NLRP1: variants seen among roughly 807,000 people sequenced by gnomAD.
NLRP1 encodes NACHT, LRR and PYD domains-containing protein 1.
A neutral mutation model predicts 136.7 loss-of-function variants in NLRP1; 94 were observed. That is an observed-to-expected ratio of 0.69 (90% CI 0.58 to 0.82). The LOEUF is 0.82. Ranked by LOEUF, NLRP1 falls within the 40% of genes least tolerant of loss-of-function variation. The pLI is 0.00. For synonymous variants in NLRP1, 690 were observed against 725.1 expected, an observed-to-expected ratio of 0.95 and a Z score of 0.78; for missense variants, 1,575 against 1,802.7, an observed-to-expected ratio of 0.87 and a Z score of 2.29.
chr17:5,506,902 CAAAAAAAAAAAA>C (rs199684717), intron 15 of NLRP1, among the ~76,000 whole-genome samples: 10 of 88,808 alleles, frequency 1.1e-4, no homozygotes, highest in Non-Finnish European at 1.2e-4. Context: ...AACTCCATCT[CAAAAAAAAAAAA>C]AAAAAAAAAA....
intron 5 of NLRP1, 28 bp from the exon 6 acceptor site, chr17:5,542,055 C>A: frequency 6.2e-7 from 1 of 1,601,988 alleles, no homozygotes; most frequent in East Asian, 2.2e-5. Flanking sequence ...CCATGGTCTT[C>A]AGGTTACTCA....
At chr17:5,521,452 G>T (rs11653496) in intron 13 of NLRP1, 72 bp downstream of exon 13, 68,831 of 1,519,210 alleles carry the variant, frequency 0.045, 1,804 homozygotes, top group Middle Eastern at 0.076. Flanking sequence ...GACCCTCTAG[G>T]GGGCTCTCTG....
chr17:5,566,858 A>G (rs1915393370), intron 3 of NLRP1, among the ~76,000 whole-genome samples: 1 of 152,074 alleles, frequency 6.6e-6, no homozygotes, highest in African/African-American at 2.4e-5. Flanking sequence ...TTGGGTGCAT[A>G]TATATTTAAA....
At chr17:5,527,298 A>G (rs767064657) in intron 12 of NLRP1, among the ~76,000 whole-genome samples, 21 of 152,230 alleles carry the variant, frequency 1.4e-4, no homozygotes, top group Non-Finnish European at 2.9e-4. Flanking sequence ...AAGAAAGTTT[A>G]CGAATTCACG....
At chr17:5,501,713 C>A in exon 16 of NLRP1, 1 of 894,114 alleles carries the variant, frequency 1.1e-6, no homozygotes, top group Admixed American at 1.8e-5. Flanking sequence ...ACCTGCCTCA[C>A]CTAAGCCCAT....
At position 5,558,856 on chromosome 17, in the gene NLRP1, G is replaced by T; in HGVS notation, c.1840C>A (p.Pro614Thr). 1 of 1,614,162 alleles carries T rather than the reference G, an allele frequency of 6.2e-7. No individual in the cohort carries two copies. Among genetic ancestry groups the T allele is most frequent in the African/African-American group, 1.3e-5 (1 of 75,024 alleles). Residue 614 changes from proline to threonine, a missense_variant, in exon 4 of 17, where the codon CCC becomes ACC. Pro to Thr is a conservative substitution (Grantham distance 38). Coordinates refer to ENST00000572272, the MANE Select transcript of NLRP1 (RefSeq NM_033004.4). ...ATGAAGCTGTAGCTCAGAGGGATGGGGTGCTCTTGAAGAATACCCATCTTC... is the reference window on the plus strand; with the variant it reads ...ATGAAGCTGTAGCTCAGAGGGATGGTGTGCTCTTGAAGAATACCCATCTTC... ...FLKMGILQEH[P>T]IPLSYSFIHL...
In NLRP1 at chr17:5,541,912, C is replaced by G. The variant is rs747885414; in HGVS notation, c.2644G>C (p.Ala882Pro). ...CTCAGTCTCTGGCAAAGGTGTTTGG[C>G]TCCAGCATCCGTGAGCACATTGAAG... is the stretch of plus-strand genomic sequence containing the variant. The part of the protein sequence containing the change: ...LSFNVLTDAG[A>P]KHLCQRLRQP... The change falls in exon 6 of 17, where the codon GCC (alanine) becomes CCC (proline). Residue 882 changes from alanine to proline, a missense_variant. By Grantham distance (27) the Ala-to-Pro change is conservative (BLOSUM62 -1). Coordinates refer to ENST00000572272, the MANE Select transcript of NLRP1 (RefSeq NM_033004.4). The surrounding 1 kb of genome is among the most constrained non-coding windows in gnomAD (Gnocchi z 4.2). 9 of 1,614,116 alleles carry G rather than the reference C, an allele frequency of 5.6e-6. No individual in the cohort carries two copies. Among genetic ancestry groups the G allele is most frequent in the Non-Finnish European group, 7.6e-6 (9 of 1,180,048 alleles).
chr17:5,583,764 C>T lies in NLRP1; in HGVS notation c.194G>A (p.Arg65Gln), dbSNP rs200739115. 2.2e-5 allele frequency: 34 copies of T among 1,553,118 alleles called. No homozygotes were observed. The Admixed American group carries it at 2.7e-4, about 12-fold the overall frequency. ...GGTATGGAGGGCTAGGTCCCAGGCC[C>T]GCTGCTCCCCATACTGAGCCACCAG... is the stretch of plus-strand genomic sequence containing the variant. ...SYLVAQYGEQRAWDLALHTWE... is the reference protein window; with the variant it reads ...SYLVAQYGEQQAWDLALHTWE... The change falls in exon 1 of 17, where the codon CGG (arginine) becomes CAG (glutamine). Residue 65 changes from arginine to glutamine, a missense_variant. By Grantham distance (43) the Arg-to-Gln change is conservative. Transcript: ENST00000572272. The surrounding 1 kb of genome is among the most constrained non-coding windows in gnomAD (Gnocchi z 4.5).
Position 5,539,440 on chromosome 17 carries a change from G to T in NLRP1, c.2845C>A (p.Pro949Thr), listed in dbSNP as rs752010162. 5 of 1,613,594 alleles carry T rather than the reference G, an allele frequency of 3.1e-6. No homozygotes were observed. The African/African-American group carries it at 6.7e-5, about 22-fold the overall frequency. Residue 949 changes from proline (P) to threonine (T), a missense_variant, in exon 7 of 17, where the codon CCT becomes ACT. Transcript: ENST00000572272. ...VRLLCEGLRH[P>T]ACKLIRLGLD... is the part of the protein sequence containing the mutation. ...CCCAGGCGTATGAGTTTGCAGGCAG[G>T]ATGCCTGAGCCCCTCACAGAGCAGT... is the stretch of plus-strand genomic sequence containing the variant.
Position 5,533,990 on chromosome 17 carries a change from T to G in NLRP1, c.2961-2A>C. The G allele has an allele frequency of 6.2e-7, 1 of 1,600,136 alleles. No individual in the cohort carries two copies. The highest frequency in any genetic ancestry group is 2.2e-5 in the East Asian group (1 of 44,818). ...GTAGGGGTCATCACACTTGGTTTCCTGGACAAAGAATTGTTCATTCTGCCT... is the reference window on the plus strand; with the variant it reads ...GTAGGGGTCATCACACTTGGTTTCCGGGACAAAGAATTGTTCATTCTGCCT... On this transcript the variant is annotated splice_acceptor_variant, in intron 8 of 16. Coordinates refer to ENST00000572272, the MANE Select transcript of NLRP1 (RefSeq NM_033004.4). LOFTEE classifies it high-confidence loss of function.
chr17:5,515,542 G>T, intron 15 of NLRP1, 25 bp from the exon 16 acceptor site: 1 of 1,590,058 alleles, frequency 6.3e-7, no homozygotes, highest in Non-Finnish European at 8.6e-7. Context: ...AGATGAAGAT[G>T]CATCTGAAAC....
intron 2 of NLRP1, 81 bp downstream of exon 2, chr17:5,582,589 C>T: frequency 7.3e-7 from 1 of 1,378,734 alleles, no homozygotes; most frequent in Admixed American, 1.9e-5. Context: ...TCCCCATGCA[C>T]AGACATGATC....
At chr17:5,544,802 T>C (rs1460428314) in intron 5 of NLRP1, among the ~76,000 whole-genome samples, 3 of 152,058 alleles carry the variant, frequency 2.0e-5, no homozygotes, top group Non-Finnish European at 2.9e-5. Context: ...AACAGTTTGT[T>C]TTTAGTTAGG....
rs752701275 is a variant in NLRP1, at chr17:5,515,465, T to C, written c.4102+8A>G. ...CGCCTCCTGTGGTCTCTGAGAGCTG[T>C]TACTGACCTATGCGGGCTGGAGGGA... On this transcript the variant is annotated splice_region_variant and intron_variant, in intron 16 of 16. Transcript: ENST00000572272. The C allele has an allele frequency of 1.2e-6, 2 of 1,611,210 alleles. No homozygotes were observed. The highest frequency in any genetic ancestry group is 2.7e-5 in the African/African-American group (2 of 74,820).
downstream of NLRP1, among the ~76,000 whole-genome samples, chr17:5,510,419 G>C (rs1907565862): frequency 6.6e-6 from 1 of 151,754 alleles, no homozygotes; most frequent in Admixed American, 6.6e-5. Flanking sequence ...GAGGGCAATG[G>C]CGTGATCTCG....
At position 5,514,368 on chromosome 17, in the gene NLRP1, T is replaced by C. The variant is rs1307266569; in HGVS notation, c.*386A>G. 9.3e-7 allele frequency: 1 copy of C among 1,073,482 alleles called. No homozygotes were observed. The highest frequency in any genetic ancestry group is 1.1e-6 in the Non-Finnish European group (1 of 882,522). 66.5% of individuals were successfully genotyped at this position (1,073,482 alleles called of 1,614,324 possible). On this transcript the variant is annotated 3_prime_UTR_variant, in exon 17 of 17. Coordinates refer to ENST00000572272, the MANE Select transcript of NLRP1 (RefSeq NM_033004.4). ...CAAGAATCCACGTGGCCTCCCACGC[T>C]GAACCCCAATTTTGGGGCTCACCCT...
rs1914469742 is a variant in NLRP1 at position 5,559,386 on chromosome 17, T to C, written c.1310A>G (p.Asp437Gly). 1 of 1,614,062 alleles carries C rather than the reference T, an allele frequency of 6.2e-7. No homozygotes were observed. Among genetic ancestry groups the C allele is most frequent in the East Asian group, 2.2e-5 (1 of 44,874 alleles). ...CCCCAGCAAACTGCCCAGCAGTGCA[T>C]CCGCCGGCTGTGGCTGGCTCCAGTG... Reference protein sequence around the residue: ...CLHWSQPQPADALLGSLLGKT... With the variant: ...CLHWSQPQPAGALLGSLLGKT... The change falls in exon 4 of 17, where the codon GAT (aspartate) becomes GGT (glycine). Residue 437 changes from aspartate (D) to glycine (G), a missense_variant. Asp to Gly is a moderately conservative substitution (Grantham distance 94). Transcript: ENST00000572272.
At position 5,581,925 on chromosome 17, in the gene NLRP1, G is replaced by A; in HGVS notation, c.586C>T (p.Pro196Ser). Residue 196 changes from proline (P) to serine (S), a missense_variant, in exon 3 of 17, where the codon CCC becomes TCC. Physicochemically the swap from Pro to Ser is moderately conservative, Grantham distance 74. Coordinates refer to ENST00000572272, the MANE Select transcript of NLRP1 (RefSeq NM_033004.4). ...GTCCCAGGAGCCTCCTGCTCTCTGG[G>A]TGCTAGGCTGGGCTGAGGTGGGGAT... is the stretch of plus-strand genomic sequence containing the variant. Reference protein sequence around the residue: ...WGSPPQPSLAPREQEAPGTQW... With the variant: ...WGSPPQPSLASREQEAPGTQW... 1.9e-6 allele frequency: 3 copies of A among 1,613,936 alleles called. No homozygotes were observed. The highest frequency in any genetic ancestry group is 2.2e-5 in the East Asian group (1 of 44,852).
chr17:5,570,565 G>A (rs1043974631), intron 3 of NLRP1, among the ~76,000 whole-genome samples: 4 of 152,016 alleles, frequency 2.6e-5, no homozygotes, highest in African/African-American at 9.7e-5. Context: ...TCTGAACAGA[G>A]CAATAACGAG....
Sources: gnomAD v4.1 joint callset for allele counts (sites outside exome capture counted in the v4.1 genomes callset) on GRCh38, gnomAD v4.1.1 for gene constraint, Gnocchi (gnomAD v3.1) non-coding constraint, MANE v1.5 for transcripts, NCBI Gene and HGNC (gene_info 2026-07-23, HGNC 2026-07-21) for gene names.